SLC16A2: variants seen among roughly 807,000 people sequenced by gnomAD.
SLC16A2 encodes the protein monocarboxylate transporter 8.
In SLC16A2, 3 loss-of-function variants were observed where a neutral mutation model predicts 27.2. That is an observed-to-expected ratio of 0.11 (90% CI 0.05 to 0.28). The LOEUF (loss-of-function observed/expected upper bound fraction) is 0.28. SLC16A2 is among the 10% of genes least tolerant of loss of function. SLC16A2 has a pLI of 1.00. For missense variants in SLC16A2, 295 were observed against 458.5 expected, an observed-to-expected ratio of 0.64 and a Z score of 3.26; for synonymous variants, 202 against 187.8, an observed-to-expected ratio of 1.08 and a Z score of -0.62.
intron 1 of SLC16A2, among the ~76,000 whole-genome samples, chrX:74,482,776 C>T (rs1014583647): frequency 9.0e-6 from 1 of 110,776 alleles, no homozygotes; most frequent in Non-Finnish European, 1.9e-5. Context: ...TGGCTTGCTG[C>T]AGCCTTGACT....
At chrX:74,496,294 A>C (rs1410689475) in intron 1 of SLC16A2, among the ~76,000 whole-genome samples, 51 of 109,496 alleles carry the variant, frequency 4.7e-4, no homozygotes, top group African/African-American at 8.9e-4. Context: ...ACACACACAC[A>C]CCCCACAGGA....
At chrX:74,526,874 G>T (rs1468355737) in intron 4 of SLC16A2, among the ~76,000 whole-genome samples, 1 of 112,667 alleles carries the variant, frequency 8.9e-6, no homozygotes, top group African/African-American at 3.2e-5. Flanking sequence ...GTGGCTATTT[G>T]CATAGGAATA....
chrX:74,434,684 T>C (rs759759172), intron 1 of SLC16A2, among the ~76,000 whole-genome samples: 2 of 111,052 alleles, frequency 1.8e-5, no homozygotes, highest in Non-Finnish European at 3.8e-5. Context: ...AGAGCATAAG[T>C]AGCAGCAGCT....
intron 1 of SLC16A2, among the ~76,000 whole-genome samples, chrX:74,490,921 C>A (rs181077173): frequency 9.0e-6 from 1 of 111,404 alleles, no homozygotes; most frequent in Non-Finnish European, 1.9e-5. Context: ...CAGAATAAAT[C>A]AAGGACCATT....
chrX:74,519,131 GATT>G (rs1930361891), intron 1 of SLC16A2, among the ~76,000 whole-genome samples: 1 of 110,053 alleles, frequency 9.1e-6, no homozygotes, highest in Admixed American at 9.7e-5. Context: ...AACATGATGT[GATT>G]ATTGATATTT....
At chrX:74,480,151 G>T (rs1042743282) in intron 1 of SLC16A2, among the ~76,000 whole-genome samples, 5 of 112,139 alleles carry the variant, frequency 4.5e-5, no homozygotes, top group African/African-American at 6.5e-5. Context: ...CTTCCTGGCC[G>T]CTTTGTTTAC....
chrX:74,507,667 T>C (rs1237521866), intron 1 of SLC16A2, among the ~76,000 whole-genome samples: 1 of 112,235 alleles, frequency 8.9e-6, no homozygotes, highest in Non-Finnish European at 1.9e-5. Context: ...CAGTAGATGA[T>C]TGGATAAAGG....
At chrX:74,439,158 C>CTCGT (rs1928677253) in intron 1 of SLC16A2, among the ~76,000 whole-genome samples, 1 of 62,219 alleles carries the variant, frequency 1.6e-5, no homozygotes, top group Non-Finnish European at 2.8e-5. Context: ...GCTTGCTCAA[C>CTCGT]TCTTTCTTTC....
At chrX:74,469,512 T>G (rs1480241364) in intron 1 of SLC16A2, among the ~76,000 whole-genome samples, 1 of 112,101 alleles carries the variant, frequency 8.9e-6, no homozygotes, top group African/African-American at 3.2e-5. Flanking sequence ...TTTTTATAGC[T>G]ATTCTAGTGG....
At chrX:74,458,366 G>A (rs1929072672) in intron 1 of SLC16A2, among the ~76,000 whole-genome samples, 1 of 111,238 alleles carries the variant, frequency 9.0e-6, no homozygotes, top group African/African-American at 3.3e-5. Context: ...TTTTCTTTTT[G>A]AGTCAGAGTT....
intron 1 of SLC16A2, among the ~76,000 whole-genome samples, chrX:74,440,738 T>C (rs764877208): frequency 2.1e-4 from 23 of 109,424 alleles, no homozygotes; most frequent in African/African-American, 7.3e-4. Context: ...TGTGTAACTA[T>C]GGGCATGCAT....
intron 1 of SLC16A2, among the ~76,000 whole-genome samples, chrX:74,474,878 A>G (rs1383678705): frequency 9.1e-6 from 1 of 110,410 alleles, no homozygotes; most frequent in Non-Finnish European, 1.9e-5. Context: ...CCAGTCTATC[A>G]TTGTTGGACA....
chrX:74,423,046 C>T (rs1219666527), intron 1 of SLC16A2, among the ~76,000 whole-genome samples: 1 of 112,996 alleles, frequency 8.8e-6, no homozygotes, highest in Non-Finnish European at 1.9e-5. Context: ...CGCAAGACCC[C>T]AGGCGTGTGC....
At chrX:74,423,133 G>T (rs1227418797) in intron 1 of SLC16A2, among the ~76,000 whole-genome samples, 1 of 112,490 alleles carries the variant, frequency 8.9e-6, no homozygotes, top group Non-Finnish European at 1.9e-5. Context: ...AGCCGCTGGC[G>T]AAATCCCTCA....
At position 74,422,134 on chromosome X, in the gene SLC16A2, C is replaced by T. The variant is rs756733453; in HGVS notation, c.430+67C>T. Reference sequence around the variant, plus strand: ...TTGGCCGCTCCCGCTGCCACCGACCCCATACCTCCCGGTCCGAGGCGCCCC... The same window carrying T: ...TTGGCCGCTCCCGCTGCCACCGACCTCATACCTCCCGGTCCGAGGCGCCCC... On this transcript the variant is annotated intron_variant, in intron 1 of 5. Transcript: ENST00000587091. The T allele has an allele frequency of 7.1e-5, 75 of 1,063,195 alleles. No homozygotes were observed. The Admixed American group carries it at 7.4e-4, about 11-fold the overall frequency. 87.6% of individuals were successfully genotyped at this position (1,063,195 alleles called of 1,213,427 possible).
rs766545670 is a variant in SLC16A2 at position 74,425,994 on chromosome X, G to C, written c.430+3927G>C. 1.2e-4 allele frequency among the ~76,000 whole-genome samples: 13 copies of C among 111,817 alleles called. No individual in the cohort carries two copies. In the East Asian group the frequency reaches 3.7e-3, roughly 32 times the overall value. ...CTGATGGTCCACTCTGATGGAAACA[G>C]AATTTTCTAGGCATGGGGAAGAATG... is the stretch of plus-strand genomic sequence containing the variant. On this transcript the variant is annotated intron_variant, in intron 1 of 5. Transcript: ENST00000587091.
At position 74,532,175 on chromosome X, in the gene SLC16A2, T is replaced by C. The variant is rs1043040689; in HGVS notation, c.*622T>C. ...CTCTACTGACTTCTCTCCATACTCT[T>C]TCCCCTCTATTTCTTTGTATGACTG... On this transcript the variant is annotated 3_prime_UTR_variant, in exon 6 of 6. Coordinates refer to ENST00000587091, the MANE Select transcript of SLC16A2 (RefSeq NM_006517.5). The C allele has an allele frequency of 4.2e-5, 5 of 119,584 alleles. No individual in the cohort carries two copies. The highest frequency in any genetic ancestry group is 7.0e-5 in the Non-Finnish European group (4 of 57,329). The allele number at this position is 119,584 out of a possible 1,213,427, so 9.9% of individuals were successfully genotyped here.
At chrX:74,436,612 G>A (rs1244532000) in intron 1 of SLC16A2, among the ~76,000 whole-genome samples, 1 of 112,223 alleles carries the variant, frequency 8.9e-6, no homozygotes. Context: ...TAGCTAGCTA[G>A]CTTAGAACAG....
Position 74,421,928 on chromosome X carries a change from T to C in SLC16A2, c.291T>C (p.Gly97=). Residue 97 remains glycine (G), a synonymous_variant, in exon 1 of 6, where the codon GGT becomes GGC. Transcript: ENST00000587091. ...CGCGCGGCTTCCAGCCTCCCGAAGG[T>C]GGCTTCGGCTGGGTGGTGGTGTTCG... ...GTARGFQPPE[G]GFGWVVVFAA... is the part of the protein sequence containing the mutation. 2 of 1,210,598 alleles carry C rather than the reference T, an allele frequency of 1.7e-6. No homozygotes were observed. Among genetic ancestry groups the C allele is most frequent in the Non-Finnish European group, 2.2e-6 (2 of 895,205 alleles).
Sources: allele counts gnomAD v4.1 joint callset (sites outside exome capture counted in the v4.1 genomes callset), GRCh38; gene constraint gnomAD v4.1.1; transcripts MANE v1.5; gene names NCBI Gene and HGNC (gene_info 2026-07-23, HGNC 2026-07-21).